Variants in HACD3 observed in about 807,000 individuals in gnomAD.
HACD3 encodes 3-hydroxyacyl-CoA dehydratase 3, also known as very-long-chain (3R)-3-hydroxyacyl-CoA dehydratase 3.
In HACD3, 30 loss-of-function variants were observed where a neutral mutation model predicts 55.2. The ratio of observed to expected loss-of-function variants is 0.54; its 90% confidence interval spans 0.41 to 0.74. The LOEUF is 0.74. HACD3 is among the 30% of genes least tolerant of loss of function. HACD3 has a pLI of 0.00. For synonymous variants in HACD3, 141 were observed against 151.7 expected, an observed-to-expected ratio of 0.93 and a Z score of 0.52; for missense variants, 363 against 440.1, an observed-to-expected ratio of 0.82 and a Z score of 1.57.
At chr15:65,539,510 C>T (rs149748762) in intron 1 of HACD3, among the ~76,000 whole-genome samples, 80 of 152,192 alleles carry the variant, frequency 5.3e-4, no homozygotes, top group African/African-American at 1.7e-3. Flanking sequence ...CGTGAGCCAC[C>T]GTGCCCAGCC....
chr15:65,560,984 C>T (rs2072239301), intron 5 of HACD3, among the ~76,000 whole-genome samples: 1 of 152,144 alleles, frequency 6.6e-6, no homozygotes, highest in South Asian at 2.1e-4. Flanking sequence ...CTTGAACTAC[C>T]TTTGTATCCC....
chr15:65,564,549 G>A (rs969188020), intron 7 of HACD3: 27 of 568,116 alleles, frequency 4.8e-5, no homozygotes, highest in Middle Eastern at 4.9e-4. Context: ...CACTTCTTAC[G>A]TGGTGGCGGC....
intron 7 of HACD3, among the ~76,000 whole-genome samples, chr15:65,569,634 G>C (rs2072329071): frequency 6.6e-6 from 1 of 152,038 alleles, no homozygotes; most frequent in Admixed American, 6.6e-5. Context: ...CTTGAGCCCA[G>C]AAGTTCAAGG....
At chr15:65,551,366 G>A (rs1385667339) in intron 1 of HACD3, among the ~76,000 whole-genome samples, 1 of 152,080 alleles carries the variant, frequency 6.6e-6, no homozygotes, top group African/African-American at 2.4e-5. Context: ...CTGTATTCCC[G>A]TGTCATATCT....
intron 1 of HACD3, among the ~76,000 whole-genome samples, chr15:65,547,418 T>A (rs930048739): frequency 7.9e-5 from 12 of 152,204 alleles, no homozygotes; most frequent in African/African-American, 2.7e-4. Context: ...CCCGGCCAAG[T>A]ACCCATGATT....
intron 1 of HACD3, among the ~76,000 whole-genome samples, chr15:65,549,426 GAAAAAAAAAAA>G (rs34149100): frequency 8.1e-5 from 9 of 111,062 alleles, no homozygotes; most frequent in South Asian, 3.2e-4. Flanking sequence ...TCTCTGCTGG[GAAAAAAAAAAA>G]AAAAAAAAAA....
At position 65,576,608 on chromosome 15, in the gene HACD3, T is replaced by C; in HGVS notation, c.*229T>C. The C allele has an allele frequency of 1.8e-6, 1 of 558,630 alleles. No individual in the cohort carries two copies. The highest frequency in any genetic ancestry group is 3.1e-6 in the Non-Finnish European group (1 of 321,090). 34.6% of individuals were successfully genotyped at this position (558,630 alleles called of 1,614,324 possible). On this transcript the variant is annotated 3_prime_UTR_variant, in exon 11 of 11. Transcript: ENST00000261875. ...AGAGGTTCATTCTTGTGTATTCAGT[T>C]AATGACACCAAAAGGCTCAGCCCAC...
intron 9 of HACD3, 137 bp from the exon 10 acceptor site, chr15:65,572,098 A>G (rs2072353849): frequency 9.1e-7 from 1 of 1,095,890 alleles, no homozygotes; most frequent in Non-Finnish European, 1.3e-6. Context: ...GAGAGGCATG[A>G]GCTTTCTGTA....
chr15:65,556,954 C>A, intron 4 of HACD3, 51 bp downstream of exon 4: 1 of 1,536,756 alleles, frequency 6.5e-7, no homozygotes, highest in Non-Finnish European at 8.9e-7. Flanking sequence ...ATGGGGAACC[C>A]ACGTTATTCA....
At chr15:65,576,225 T>TA (rs758095319) in intron 10 of HACD3, 78 bp from the exon 11 acceptor site, 51 of 1,528,528 alleles carry the variant, frequency 3.3e-5, no homozygotes, top group Middle Eastern at 1.7e-4. Context: ...GACAGCTAGA[T>TA]ACTGTCCCTG....
chr15:65,576,393 G>A lies in HACD3; in HGVS notation c.*14G>A. ...AAGATCCACTAAAAAGAAAGATTTA[G>A]ATGGCTTCTTGCCAGTTTGAGCCTA... On this transcript the variant is annotated 3_prime_UTR_variant, in exon 11 of 11. Transcript: ENST00000261875. The A allele has an allele frequency of 6.3e-7, 1 of 1,589,260 alleles. No homozygotes were observed. The highest frequency in any genetic ancestry group is 8.6e-7 in the Non-Finnish European group (1 of 1,167,364).
chr15:65,533,496 TTGTC>T (rs1315880207), intron 1 of HACD3, among the ~76,000 whole-genome samples: 2 of 152,162 alleles, frequency 1.3e-5, no homozygotes, highest in East Asian at 3.9e-4. Context: ...CACTATGTAT[TTGTC>T]TGTGCTTATA....
At position 65,560,060 on chromosome 15, in the gene HACD3, T is replaced by G. The variant is rs79514422; in HGVS notation, c.421+1329T>G. On this transcript the variant is annotated intron_variant, in intron 5 of 10. Coordinates refer to ENST00000261875, the MANE Select transcript of HACD3 (RefSeq NM_016395.4). ...TAAGGCTGTGTTGTTTTTTTTTTTTTGAGATGGGGTCTTGCTATGCTGTCC... is the reference window on the plus strand; with the variant it reads ...TAAGGCTGTGTTGTTTTTTTTTTTTGGAGATGGGGTCTTGCTATGCTGTCC... 2.4e-4 allele frequency among the ~76,000 whole-genome samples: 36 copies of G among 151,936 alleles called. No individual in the cohort carries two copies. In the East Asian group the frequency reaches 3.9e-3, roughly 16 times the overall value.
chr15:65,572,924 A>AT (rs1338868664), intron 10 of HACD3, among the ~76,000 whole-genome samples: 36 of 146,254 alleles, frequency 2.5e-4, no homozygotes, highest in African/African-American at 6.5e-4. Flanking sequence ...CAAAAAAAAA[A>AT]AAAAAATAAA....
intron 3 of HACD3, 86 bp downstream of exon 3, chr15:65,555,046 GAGA>G (rs1433895266): frequency 2.9e-5 from 32 of 1,085,638 alleles, no homozygotes; most frequent in Non-Finnish European, 4.3e-5. Flanking sequence ...GGTTTGTGGA[GAGA>G]AGAAGATAAA....
chr15:65,544,429 A>G (rs2072053515), intron 1 of HACD3, among the ~76,000 whole-genome samples: 2 of 152,174 alleles, frequency 1.3e-5, no homozygotes, highest in South Asian at 4.1e-4. Context: ...TCTGAATAAC[A>G]TAGGTGGGTT....
Position 65,576,932 on chromosome 15 carries a change from T to C in HACD3, c.*553T>C, listed in dbSNP as rs2072407655. On this transcript the variant is annotated 3_prime_UTR_variant, in exon 11 of 11. Coordinates refer to ENST00000261875, the MANE Select transcript of HACD3 (RefSeq NM_016395.4). ...TTTCTAAGAGTGGGGCTAGAGAACA[T>C]ACTTTACATCTGACATCCTTTGGCC... 1 of 153,120 alleles carries C rather than the reference T, an allele frequency of 6.5e-6. No individual in the cohort carries two copies. The highest frequency in any genetic ancestry group is 2.1e-4 in the South Asian group (1 of 4,872). The allele number at this position is 153,120 out of a possible 1,614,324, so 9.5% of individuals were successfully genotyped here. A position where few individuals can be genotyped will look rare whatever the true frequency, so the allele number is the denominator to read the frequency against.
intron 4 of HACD3, among the ~76,000 whole-genome samples, chr15:65,557,939 G>GTTT (rs11360331): frequency 9.1e-6 from 1 of 110,414 alleles, no homozygotes; most frequent in Admixed American, 9.6e-5. Context: ...TTATGGGACT[G>GTTT]TTTTTTTTTT....
At chr15:65,553,512 G>A (rs533850315) in intron 2 of HACD3, among the ~76,000 whole-genome samples, 1 of 152,156 alleles carries the variant, frequency 6.6e-6, no homozygotes, top group East Asian at 1.9e-4. Flanking sequence ...GATTATTGGA[G>A]CATAAAGAGT....
Sources: gnomAD v4.1 joint callset for allele counts (sites outside exome capture counted in the v4.1 genomes callset) on GRCh38, gnomAD v4.1.1 for gene constraint, MANE v1.5 for transcripts, NCBI Gene and HGNC (gene_info 2026-07-23, HGNC 2026-07-21) for gene names.